The following GNAS-AS1 variants were observed in gnomAD, a reference collection of about 807,000 sequenced individuals.
GNAS-AS1 encodes the protein GNAS antisense RNA 1 (non-protein coding).
chr20:58,830,645 ACACCACCATCACCAC>A (rs2085562493), intron 4 of GNAS-AS1, among the ~76,000 whole-genome samples: 1 of 51,384 alleles, frequency 1.9e-5, no homozygotes, highest in Non-Finnish European at 4.2e-5. Flanking sequence ...CCACACCACC[ACACCACCATCACCAC>A]CACCACCATC....
chr20:58,840,588 A>G lies in GNAS-AS1; in HGVS notation n.819+1349T>C. 2 of 1,611,246 alleles carry G rather than the reference A, an allele frequency of 1.2e-6. No homozygotes were observed. Among genetic ancestry groups the G allele is most frequent in the Non-Finnish European group, 1.7e-6 (2 of 1,179,064 alleles). ...TCCACCTTCGGCCAGTCCCTCACCC[A>G]GCGTCTGCACGCTCTCAAGTTGCGA... On this transcript the variant is annotated intron_variant and non_coding_transcript_variant, in intron 4 of 4. Coordinates refer to ENST00000424094, the Ensembl canonical transcript of GNAS-AS1. This position sits in a 1 kb window ranked among gnomAD's most constrained non-coding sequence, Gnocchi z 6.0.
intron 4 of GNAS-AS1, among the ~76,000 whole-genome samples, chr20:58,824,354 A>G (rs1305245441): frequency 6.6e-6 from 1 of 152,228 alleles, no homozygotes; most frequent in Non-Finnish European, 1.5e-5. Context: ...TGTTCAACAA[A>G]TATTTACTGA....
chr20:58,843,895 T>A (rs1040757538), intron 2 of GNAS-AS1: 15 of 152,224 alleles, frequency 9.9e-5, no homozygotes, highest in African/African-American at 3.6e-4. Context: ...AAAACTCTTT[T>A]ATGTTCATCA....
rs1195787578 is a variant in GNAS-AS1 at position 58,845,470 on chromosome 20, C to T, written n.414-2925G>A. 3.9e-5 allele frequency among the ~76,000 whole-genome samples: 6 copies of T among 152,150 alleles called. No individual in the cohort carries two copies. The East Asian group carries it at 5.8e-4, about 15-fold the overall frequency. ...CCTTGTCACAGCTAAGACTTGTTTG[C>T]GCACCGCATCCCCCAAAACCAGTTT... On this transcript the variant is annotated intron_variant and non_coding_transcript_variant, in intron 2 of 4. Transcript: ENST00000424094.
intron 4 of GNAS-AS1, among the ~76,000 whole-genome samples, chr20:58,820,153 C>T (rs751786760): frequency 1.2e-4 from 18 of 152,226 alleles, no homozygotes; most frequent in Non-Finnish European, 2.5e-4. Context: ...TGGTGTGCGC[C>T]AGCCACCCAT....
chr20:58,828,533 A>C (rs1044286139), intron 4 of GNAS-AS1, among the ~76,000 whole-genome samples: 15 of 152,324 alleles, frequency 9.8e-5, no homozygotes, highest in African/African-American at 3.6e-4. Context: ...TCTAAGCCTC[A>C]GTTTCCTTAC....
intron 2 of GNAS-AS1, among the ~76,000 whole-genome samples, chr20:58,844,559 C>T (rs942110231): frequency 6.6e-6 from 1 of 152,204 alleles, no homozygotes; most frequent in African/African-American, 2.4e-5. Context: ...CAACACCCCT[C>T]TGCCTCAGTT....
chr20:58,840,653 C>T lies in GNAS-AS1; in HGVS notation n.819+1284G>A, dbSNP rs78850964. 6.2e-7 allele frequency: 1 copy of T among 1,605,986 alleles called. No homozygotes were observed. The highest frequency in any genetic ancestry group is 1.1e-5 in the South Asian group (1 of 91,018). On this transcript the variant is annotated intron_variant and non_coding_transcript_variant, in intron 4 of 4. Coordinates refer to ENST00000424094, the Ensembl canonical transcript of GNAS-AS1. This position sits in a 1 kb window ranked among gnomAD's most constrained non-coding sequence, Gnocchi z 6.0. ...CCCAAGTCGCGCGCCGCCCAGCACT[C>T]AGGAGCCCCAGAGCCCCAGGGAAGG...
intron 4 of GNAS-AS1, among the ~76,000 whole-genome samples, chr20:58,831,856 T>C (rs2085570489): frequency 1.3e-5 from 2 of 152,244 alleles, no homozygotes; most frequent in South Asian, 2.1e-4. Flanking sequence ...GAAGCTTATA[T>C]AGCCTCAAAA....
exon 1 of GNAS-AS1, chr20:58,850,554 C>T: frequency 2.5e-6 from 1 of 398,846 alleles, no homozygotes; most frequent in East Asian, 3.6e-5. Flanking sequence ...GGCTCAGCAT[C>T]CCTGGGGCCT....
chr20:58,844,061 A>G (rs1421530427), intron 2 of GNAS-AS1: 1 of 152,240 alleles, frequency 6.6e-6, no homozygotes, highest in Non-Finnish European at 1.5e-5. Context: ...AAGAAAGCTG[A>G]AACTTCAGTG....
intron 4 of GNAS-AS1, among the ~76,000 whole-genome samples, chr20:58,836,961 C>T (rs185825619): frequency 8.5e-5 from 13 of 152,076 alleles, no homozygotes; most frequent in African/African-American, 3.1e-4. Flanking sequence ...TTATGTAATG[C>T]ACATTTTTTA....
At position 58,841,271 on chromosome 20, in the gene GNAS-AS1, C is replaced by T. The variant is rs1380780097; in HGVS notation, n.819+666G>A. ...TTCTTCCTCCTAGAAAGACTAGTCT[C>T]AAATAAGTTGGCCTTCTCAGGTGTC... On this transcript the variant is annotated intron_variant and non_coding_transcript_variant, in intron 4 of 4. Transcript: ENST00000424094. The surrounding 1 kb of genome is among the most constrained non-coding windows in gnomAD (Gnocchi z 5.0). 12 of 1,037,420 alleles carry T rather than the reference C, an allele frequency of 1.2e-5. No individual in the cohort carries two copies. Among genetic ancestry groups the T allele is most frequent in the Non-Finnish European group, 1.4e-5 (12 of 844,214 alleles). The allele number at this position is 1,037,420 out of a possible 1,614,324, so 64.3% of individuals were successfully genotyped here.
intron 4 of GNAS-AS1, among the ~76,000 whole-genome samples, chr20:58,835,484 T>G (rs1417821523): frequency 6.6e-6 from 1 of 152,196 alleles, no homozygotes; most frequent in African/African-American, 2.4e-5. Flanking sequence ...GCAATTCTCA[T>G]GGGCTTTTAA....
chr20:58,822,337 T>C (rs2085492118), intron 4 of GNAS-AS1, among the ~76,000 whole-genome samples: 1 of 152,120 alleles, frequency 6.6e-6, no homozygotes, highest in Non-Finnish European at 1.5e-5. Context: ...CACTCAGAGA[T>C]GAGTGACAGG....
rs2085663585 is a variant in GNAS-AS1, at chr20:58,840,207, G to A, written n.819+1730C>T. ...CGCCGGGCAGCCACCGCGCTCCTCT[G>A]GCTCTCCTGCTCCATCGCGCTCCTC... is the stretch of plus-strand genomic sequence containing the variant. On this transcript the variant is annotated intron_variant and non_coding_transcript_variant, in intron 4 of 4. Transcript: ENST00000424094. The surrounding 1 kb of genome is among the most constrained non-coding windows in gnomAD (Gnocchi z 6.0). 1 of 1,611,108 alleles carries A rather than the reference G, an allele frequency of 6.2e-7. No homozygotes were observed. Among genetic ancestry groups the A allele is most frequent in the African/African-American group, 1.3e-5 (1 of 74,912 alleles).
chr20:58,826,495 G>A (rs1056523544), intron 4 of GNAS-AS1, among the ~76,000 whole-genome samples: 19 of 152,160 alleles, frequency 1.2e-4, no homozygotes, highest in African/African-American at 4.6e-4. Flanking sequence ...GGGGAACAGG[G>A]ACCTGAATTT....
chr20:58,849,486 T>C (rs1307894227), intron 1 of GNAS-AS1, among the ~76,000 whole-genome samples: 1 of 152,242 alleles, frequency 6.6e-6, no homozygotes, highest in East Asian at 1.9e-4. Context: ...TTTGAATGTG[T>C]GATCTTTATC....
chr20:58,848,740 C>T (rs1456882172), intron 2 of GNAS-AS1: 1 of 394,386 alleles, frequency 2.5e-6, no homozygotes, highest in African/African-American at 2.1e-5. Flanking sequence ...GCCGATCACC[C>T]CCAGCTCTTA....
Sources: gnomAD v4.1 joint callset for allele counts (sites outside exome capture counted in the v4.1 genomes callset) on GRCh38, gnomAD v4.1.1 for gene constraint, Gnocchi (gnomAD v3.1) non-coding constraint, MANE v1.5 for transcripts, NCBI Gene and HGNC (gene_info 2026-07-23, HGNC 2026-07-21) for gene names.